PI4KA: variants seen among roughly 807,000 people sequenced by gnomAD.
The protein encoded by PI4KA is phosphatidylinositol 4-kinase alpha.
In PI4KA, 122 loss-of-function variants were observed where a neutral mutation model predicts 271.4. That is an observed-to-expected ratio of 0.45 (90% CI 0.39 to 0.52). The LOEUF is 0.52. PI4KA is among the 20% of genes least tolerant of loss of function. PI4KA has a pLI of 0.00. For synonymous variants in PI4KA, 1,041 were observed against 1,078.8 expected (o/e 0.96, Z 0.69); for missense variants, 1,969 against 2,769.1 (o/e 0.71, Z 6.48).
At chr22:20,710,152 G>T in intron 52 of PI4KA, 155 bp from the exon 53 acceptor site, 2 of 671,652 alleles carry the variant, frequency 3.0e-6, no homozygotes, top group Non-Finnish European at 5.5e-6. Flanking sequence ...GGCAACTTTC[G>T]ATCTGCTGCA....
chr22:20,768,119 CCA>C (rs1932700247), intron 19 of PI4KA, among the ~76,000 whole-genome samples: 1 of 152,134 alleles, frequency 6.6e-6, no homozygotes, highest in African/African-American at 2.4e-5. Context: ...TCCTCAATTC[CCA>C]GACGGTGCGG....
Position 20,786,167 on chromosome 22 carries a change from A to AC in PI4KA, c.2328+7025dup, listed in dbSNP as rs1472106572. On this transcript the variant is annotated intron_variant, in intron 19 of 54. Transcript: ENST00000255882. The stretch of plus-strand genomic sequence containing the variant: ...CGACCTGGTAACCACTCCCTTGTCC[A>AC]CCCCCGACCCGTCCCCAGGGTCTGC... The AC allele has an allele frequency of 2.5e-6, 4 of 1,612,886 alleles. No homozygotes were observed. The East Asian group carries it at 6.7e-5, about 27-fold the overall frequency.
At chr22:20,819,018 G>A (rs1046538202) in intron 6 of PI4KA, among the ~76,000 whole-genome samples, 4 of 152,236 alleles carry the variant, frequency 2.6e-5, no homozygotes, top group African/African-American at 9.6e-5. Context: ...AGTTTATAAA[G>A]GCGGGAGCCA....
At chr22:20,716,459 C>T (rs1248008596) in intron 45 of PI4KA, among the ~76,000 whole-genome samples, 1 of 152,178 alleles carries the variant, frequency 6.6e-6, no homozygotes, top group Non-Finnish European at 1.5e-5. Context: ...GATGTGTGCT[C>T]CTTGAGCCCT....
intron 1 of PI4KA, among the ~76,000 whole-genome samples, chr22:20,842,745 G>A (rs1399950792): frequency 6.6e-6 from 1 of 151,362 alleles, no homozygotes; most frequent in Non-Finnish European, 1.5e-5. Context: ...CCCAGGAGCC[G>A]GAGATAGCAG....
At chr22:20,720,766 T>G (rs892913017) in intron 43 of PI4KA, among the ~76,000 whole-genome samples, 8 of 152,240 alleles carry the variant, frequency 5.3e-5, no homozygotes, top group Admixed American at 3.9e-4. Flanking sequence ...ATTTTTTAGT[T>G]TTTTGGGGAA....
intron 31 of PI4KA, 65 bp from the exon 32 acceptor site, chr22:20,742,420 G>A (rs1929567097): frequency 6.3e-7 from 1 of 1,587,292 alleles, no homozygotes; most frequent in South Asian, 1.2e-5. Context: ...CAGCTTCCCT[G>A]GGCCAACAAG....
At position 20,858,572 on chromosome 22, in the gene PI4KA, TCTC is replaced by T. The variant is rs1395259961; in HGVS notation, c.151_153del (p.Glu51del). The T allele has an allele frequency of 7.2e-7, 1 of 1,393,376 alleles. No individual in the cohort carries two copies. Among genetic ancestry groups the T allele is most frequent in the East Asian group, 3.1e-5 (1 of 32,644 alleles). The allele number at this position is 1,393,376 out of a possible 1,614,324, so 86.3% of individuals were successfully genotyped here. A position where few individuals can be genotyped will look rare whatever the true frequency, so the allele number is the denominator to read the frequency against. ...GCGGCCCAGCCCGCCGACGTTACCT[TCTC>T]CAAGGATGCTGGTCTCTGCACCGCC... On this transcript the variant is annotated inframe_deletion, in exon 1 of 55. Transcript: ENST00000255882.
chr22:20,770,090 C>G (rs1486072736), intron 19 of PI4KA, among the ~76,000 whole-genome samples: 1 of 152,070 alleles, frequency 6.6e-6, no homozygotes, highest in African/African-American at 2.4e-5. Flanking sequence ...CTCTGTCGAC[C>G]ACACTGGAGT....
rs772959577 is a variant in PI4KA, at chr22:20,749,918, T to C, written c.3230A>G (p.Lys1077Arg). 3.1e-6 allele frequency: 5 copies of C among 1,609,590 alleles called. No homozygotes were observed. Among genetic ancestry groups the C allele is most frequent in the Middle Eastern group, 1.7e-4 (1 of 6,056 alleles). Residue 1077 changes from lysine to arginine, a missense_variant, in exon 28 of 55, where the codon AAG (lysine) becomes AGG (arginine). By Grantham distance (26) the Lys-to-Arg change is conservative (BLOSUM62 2). Around this residue, in one of 13 missense-constraint regions of PI4KA, gnomAD observed 368 missense variants for 544.3 expected, o/e 0.68. Coordinates refer to ENST00000255882, the MANE Select transcript of PI4KA (RefSeq NM_058004.4). The stretch of plus-strand genomic sequence containing the variant: ...GGTTTCAAGTACCTGCAGGTGGGAC[T>C]TGGTGACGGTAGGTGCCCACTTCAT... The part of the protein sequence containing the change: ...EAMKWAPTVT[K>R]SHLQEYLNKH...
chr22:20,781,679 G>C (rs970492783), intron 19 of PI4KA, among the ~76,000 whole-genome samples: 3 of 152,228 alleles, frequency 2.0e-5, no homozygotes, highest in Admixed American at 6.5e-5. Flanking sequence ...TGGAATCAAA[G>C]GCTGAGTTCT....
intron 19 of PI4KA, among the ~76,000 whole-genome samples, chr22:20,781,334 G>T (rs970082911): frequency 6.6e-6 from 1 of 152,204 alleles, no homozygotes; most frequent in African/African-American, 2.4e-5. Context: ...TCGGCTTCAG[G>T]ACTAATTGCG....
intron 7 of PI4KA, among the ~76,000 whole-genome samples, chr22:20,817,657 C>T (rs1261170111): frequency 7.6e-6 from 1 of 130,988 alleles, no homozygotes; most frequent in Non-Finnish European, 1.6e-5. Flanking sequence ...TCACTTGAGC[C>T]CAGAAGGTTG....
At chr22:20,726,792 T>C (rs969384714) in intron 41 of PI4KA, among the ~76,000 whole-genome samples, 1 of 152,108 alleles carries the variant, frequency 6.6e-6, no homozygotes, top group African/African-American at 2.4e-5. Flanking sequence ...CCTCAGGGAA[T>C]GGTCTGCTGT....
chr22:20,717,738 A>C lies in PI4KA; in HGVS notation c.5287T>G (p.Ser1763Ala), dbSNP rs574095007. The change falls in exon 45 of 55, where the codon TCG (serine) becomes GCG (alanine). Residue 1763 changes from serine to alanine, a missense_variant. Transcript: ENST00000255882. ...KGDERKKACL[S>A]ALSEVKVQPG... ...TGCACCTTCACTTCAGACAGGGCCG[A>C]CAGACAAGCCTTCTTTCTCTCGTCG... is the stretch of plus-strand genomic sequence containing the variant. 1.3e-5 allele frequency: 20 copies of C among 1,581,004 alleles called. No individual in the cohort carries two copies. The South Asian group carries it at 2.0e-4, about 16-fold the overall frequency.
rs369216519 is a variant in PI4KA at position 20,803,172 on chromosome 22, G to T, written c.1591+19C>A. 1.2e-6 allele frequency: 2 copies of T among 1,613,234 alleles called. No individual in the cohort carries two copies. Among genetic ancestry groups the T allele is most frequent in the Admixed American group, 1.7e-5 (1 of 60,000 alleles). On this transcript the variant is annotated intron_variant, in intron 13 of 54. Transcript: ENST00000255882. ...GAGCCCCTTTCTCAGGGCCTGAAGG[G>T]CACATAGTCTGTTATTACCTGTGTG...
chr22:20,780,006 A>G, intron 19 of PI4KA: 2 of 1,614,150 alleles, frequency 1.2e-6, no homozygotes, highest in Non-Finnish European at 1.7e-6. Flanking sequence ...GCAGTTTCCA[A>G]TCCTGCTTGA....
rs1601536678 is a variant in PI4KA, at chr22:20,805,036, A to C, written c.1298T>G (p.Leu433Arg). 6.2e-7 allele frequency: 1 copy of C among 1,614,150 alleles called. No individual in the cohort carries two copies. The highest frequency in any genetic ancestry group is 8.5e-7 in the Non-Finnish European group (1 of 1,179,992). The change falls in exon 11 of 55, where the codon CTG becomes CGG. Residue 433 changes from leucine to arginine, a missense_variant. Physicochemically the swap from Leu to Arg is moderately radical, Grantham distance 102. Transcript: ENST00000255882. ...RIHNELSPLK[L>R]RCQANAACVD... Reference sequence around the variant, plus strand: ...ACAGGCAGCATTCGCCTGACAGCGCAGTTTGAGGGGGCTCAGCTCATTGTG... The same window carrying C: ...ACAGGCAGCATTCGCCTGACAGCGCCGTTTGAGGGGGCTCAGCTCATTGTG...
In PI4KA at chr22:20,858,678, G is replaced by T. The variant is rs1477097124; in HGVS notation, c.48C>A (p.Gly16=). Residue 16 remains glycine, a synonymous_variant, in exon 1 of 55, where the codon GGC becomes GGA. Transcript: ENST00000255882. ...TGGAGCCGGAGCCGGAGCAGCCGCC[G>T]CCGCCTCCGCCTCCGCCTCCGCCTC... The part of the protein sequence containing the change: ...ARGGGGGGGG[G]GGCSGSGSSA... The T allele has an allele frequency of 2.7e-6, 4 of 1,470,874 alleles. No homozygotes were observed. In the East Asian group the frequency reaches 8.8e-5, roughly 32 times the overall value. The allele number at this position is 1,470,874 out of a possible 1,614,324, so 91.1% of individuals were successfully genotyped here.
Sources: gnomAD v4.1 joint callset for allele counts (sites outside exome capture counted in the v4.1 genomes callset) on GRCh38, gnomAD v4.1.1 for gene constraint, gnomAD v4.1.1 regional missense constraint, MANE v1.5 for transcripts, NCBI Gene and HGNC (gene_info 2026-07-23, HGNC 2026-07-21) for gene names.